The following MILR1 variants were observed in gnomAD, a reference collection of about 807,000 sequenced individuals.
MILR1 encodes mast cell immunoglobulin like receptor 1, also known as allergin-1.
In MILR1, 31 loss-of-function variants were observed where a neutral mutation model predicts 18.5. That is an observed-to-expected ratio of 1.68 (90% CI 1.26 to 2.26). The LOEUF (loss-of-function observed/expected upper bound fraction) is 2.26, where lower values mean the gene tolerates loss of function less well. MILR1 is among the 30% of genes most tolerant of loss of function. The probability of loss-of-function intolerance (pLI) is 0.00; values close to 1 mark genes in which losing one functional copy is unlikely to be tolerated. For missense variants in MILR1, 257 were observed against 157.4 expected (o/e 1.63, Z -3.38); for synonymous variants, 85 against 56.2 (o/e 1.51, Z -2.30).
At chr17:64,495,261 C>T in the MILR1 span, among the ~76,000 whole-genome samples, 1 of 149,524 alleles carries the variant, frequency 6.7e-6, no homozygotes, top group African/African-American at 2.5e-5. Context: ...GAACTTTAAA[C>T]GAAGAAAGTT....
the MILR1 span, among the ~76,000 whole-genome samples, chr17:64,494,998 C>T: frequency 1.3e-5 from 2 of 151,244 alleles, no homozygotes; most frequent in Non-Finnish European, 2.9e-5. Flanking sequence ...AAGGTGAAAC[C>T]CCGTCTCTAC....
At chr17:64,464,395 T>G (rs940270122) in intron 5 of MILR1, among the ~76,000 whole-genome samples, 21 of 146,860 alleles carry the variant, frequency 1.4e-4, no homozygotes, top group African/African-American at 4.3e-4. Flanking sequence ...CAGTTTTTTG[T>G]TTTTTTTTTA....
the MILR1 span, chr17:64,496,651 C>T: frequency 2.2e-5 from 35 of 1,613,924 alleles, no homozygotes; most frequent in Middle Eastern, 4.9e-4. Context: ...GGTTCTTCCG[C>T]AACTCTACGC....
At chr17:64,473,677 C>T in the MILR1 span, among the ~76,000 whole-genome samples, 39 of 152,034 alleles carry the variant, frequency 2.6e-4, no homozygotes, top group Admixed American at 1.2e-3. Flanking sequence ...ATACAACTTA[C>T]GAAATTTCTT....
the MILR1 span, chr17:64,485,532 G>A: frequency 3.3e-6 from 2 of 599,746 alleles, no homozygotes; most frequent in Non-Finnish European, 2.9e-6. Flanking sequence ...TACTTATTAG[G>A]GATGCCTTGT....
the MILR1 span, among the ~76,000 whole-genome samples, chr17:64,489,412 G>A: frequency 1.3e-5 from 2 of 150,518 alleles, no homozygotes; most frequent in Non-Finnish European, 2.9e-5. Flanking sequence ...AAACCTCATC[G>A]TAGTAACTGA....
intron 8 of MILR1, among the ~76,000 whole-genome samples, chr17:64,467,200 G>A (rs955305515): frequency 1.1e-4 from 16 of 151,636 alleles, no homozygotes; most frequent in African/African-American, 3.6e-4. Flanking sequence ...CTACCTCTTG[G>A]GCTGAAGCAG....
At chr17:64,453,203 G>C (rs2037213715) in intron 3 of MILR1, among the ~76,000 whole-genome samples, 1 of 151,622 alleles carries the variant, frequency 6.6e-6, no homozygotes, top group Non-Finnish European at 1.5e-5. Flanking sequence ...CAAGTAGCTG[G>C]GATTACAGGC....
chr17:64,465,548 G>T lies in MILR1; in HGVS notation c.853+7G>T. 1 of 1,600,178 alleles carries T rather than the reference G, an allele frequency of 6.2e-7. No homozygotes were observed. The stretch of plus-strand genomic sequence containing the variant: ...ATCCTTGAAAAACAAGCAAGTAAGA[G>T]AACTTTGTTGCGTGTTTTGGGTGGT... On this transcript the variant is annotated splice_region_variant and intron_variant, in intron 6 of 9. Coordinates refer to ENST00000619286, the MANE Select transcript of MILR1 (RefSeq NM_001085423.2).
At chr17:64,481,184 GACTGAGCT>G in the MILR1 span, 2 of 671,300 alleles carry the variant, frequency 3.0e-6, no homozygotes, top group Non-Finnish European at 3.7e-6. Context: ...ACTAAATGGT[GACTGAGCT>G]ACAGCATCCT....
At chr17:64,461,080 G>T in intron 5 of MILR1, 148 bp downstream of exon 5, 1 of 360,988 alleles carries the variant, frequency 2.8e-6, no homozygotes. Flanking sequence ...AAAGGGGGGC[G>T]GGAATGGAAT....
chr17:64,476,038 C>T, the MILR1 span, among the ~76,000 whole-genome samples: 2 of 151,654 alleles, frequency 1.3e-5, no homozygotes, highest in Non-Finnish European at 2.9e-5. Flanking sequence ...AACTCCTGAC[C>T]GCAGGTAATC....
At chr17:64,495,033 C>A in the MILR1 span, among the ~76,000 whole-genome samples, 1 of 151,992 alleles carries the variant, frequency 6.6e-6, no homozygotes, top group Non-Finnish European at 1.5e-5. Flanking sequence ...ATTAGCCAGG[C>A]GTGGTGGCAA....
the MILR1 span, chr17:64,492,659 T>A: frequency 1.3e-6 from 2 of 1,519,588 alleles, no homozygotes; most frequent in South Asian, 1.1e-5. Context: ...AGGTAATTAT[T>A]GCAGTACCTT....
chr17:64,497,040 A>G, the MILR1 span: 5 of 1,460,186 alleles, frequency 3.4e-6, no homozygotes, highest in Middle Eastern at 1.7e-4. Flanking sequence ...TACCGTTAAC[A>G]GAATCCGGAG....
At chr17:64,466,705 A>G in intron 8 of MILR1, 43 bp downstream of exon 8, 3 of 1,501,056 alleles carry the variant, frequency 2.0e-6, no homozygotes, top group Non-Finnish European at 2.7e-6. Context: ...GAAATGAGAC[A>G]GGTGGTCCCT....
intron 4 of MILR1, among the ~76,000 whole-genome samples, chr17:64,460,008 A>G (rs1039925259): frequency 1.4e-5 from 2 of 140,976 alleles, no homozygotes; most frequent in Non-Finnish European, 3.0e-5. Flanking sequence ...TTATTTATTT[A>G]TTTATTTATT....
intron 4 of MILR1, among the ~76,000 whole-genome samples, chr17:64,458,910 G>A (rs1371810213): frequency 6.6e-6 from 1 of 152,114 alleles, no homozygotes; most frequent in Non-Finnish European, 1.5e-5. Context: ...AGCTGTTTAT[G>A]GGGGGTGTGG....
chr17:64,492,911 G>T, the MILR1 span: 102 of 1,613,752 alleles, frequency 6.3e-5, no homozygotes, highest in Non-Finnish European at 8.3e-5. Flanking sequence ...ACACCATTTC[G>T]TATCTGCTTA....
Sources: gnomAD v4.1 joint callset for allele counts (sites outside exome capture counted in the v4.1 genomes callset) on GRCh38, gnomAD v4.1.1 for gene constraint, MANE v1.5 for transcripts, NCBI Gene and HGNC (gene_info 2026-07-23, HGNC 2026-07-21) for gene names.